ZBTB20: variants seen among roughly 807,000 people sequenced by gnomAD.
The protein encoded by ZBTB20 is zinc finger and BTB domain-containing protein 20.
Under a neutral mutation model 56.9 loss-of-function variants are expected in ZBTB20, and 9 were observed. The observed-to-expected ratio is 0.16, with a 90% CI of 0.10 to 0.28. ZBTB20 has a LOEUF of 0.28. ZBTB20 is among the 10% of genes least tolerant of loss of function. ZBTB20 has a pLI of 1.00. For missense variants in ZBTB20, 655 were observed against 1,003.0 expected, an observed-to-expected ratio of 0.65 and a Z score of 4.69; for synonymous variants, 417 against 420.7, an observed-to-expected ratio of 0.99 and a Z score of 0.11.
chr3:114,755,535 T>A (rs2067943197), intron 5 of ZBTB20, among the ~76,000 whole-genome samples: 1 of 152,222 alleles, frequency 6.6e-6, no homozygotes, highest in African/African-American at 2.4e-5. Flanking sequence ...GAATGCCTTC[T>A]AATCTTTGAT....
intron 6 of ZBTB20, among the ~76,000 whole-genome samples, chr3:114,650,140 T>C (rs983812313): frequency 3.3e-5 from 5 of 152,030 alleles, no homozygotes; most frequent in South Asian, 2.1e-4. Context: ...AATATCCCTA[T>C]TGTCTGCTTT....
At chr3:114,498,066 CA>C in intron 7 of ZBTB20, among the ~76,000 whole-genome samples, 1 of 152,252 alleles carries the variant, frequency 6.6e-6, no homozygotes, top group Middle Eastern at 3.4e-3. Context: ...ACACCCTTTT[CA>C]AGACTTAATA....
At chr3:114,592,376 C>G (rs2055860191) in intron 6 of ZBTB20, among the ~76,000 whole-genome samples, 1 of 152,094 alleles carries the variant, frequency 6.6e-6, no homozygotes, top group Non-Finnish European at 1.5e-5. Context: ...AAACGATGGG[C>G]AAATCGATTT....
chr3:115,119,798 C>G (rs775316376), intron 1 of ZBTB20, among the ~76,000 whole-genome samples: 4 of 152,034 alleles, frequency 2.6e-5, no homozygotes, highest in African/African-American at 7.2e-5. Flanking sequence ...TGTTCTAAAA[C>G]AGAGAGAGAG....
At chr3:114,693,156 C>A (rs1446004887) in intron 6 of ZBTB20, among the ~76,000 whole-genome samples, 1 of 152,144 alleles carries the variant, frequency 6.6e-6, no homozygotes, top group African/African-American at 2.4e-5. Flanking sequence ...ATCACTCTTT[C>A]TGTCCACTCA....
intron 5 of ZBTB20, among the ~76,000 whole-genome samples, chr3:114,698,393 C>T (rs2108358332): frequency 6.6e-6 from 1 of 152,152 alleles, no homozygotes; most frequent in South Asian, 2.1e-4. Context: ...TTTCTTATGT[C>T]TATGGAGAGC....
At chr3:114,536,720 C>T (rs112787011) in intron 6 of ZBTB20, among the ~76,000 whole-genome samples, 6 of 152,102 alleles carry the variant, frequency 3.9e-5, no homozygotes, top group Admixed American at 2.0e-4. Context: ...GGAGGCATCA[C>T]GCTACCTGAC....
intron 6 of ZBTB20, among the ~76,000 whole-genome samples, chr3:114,656,750 C>T (rs1243357377): frequency 1.3e-5 from 2 of 151,790 alleles, no homozygotes; most frequent in African/African-American, 4.8e-5. Context: ...TATATATATA[C>T]ATATATTTTT....
chr3:115,028,901 T>C (rs1358101648), intron 2 of ZBTB20, among the ~76,000 whole-genome samples: 1 of 150,692 alleles, frequency 6.6e-6, no homozygotes, highest in East Asian at 1.9e-4. Context: ...GTATTCCCAG[T>C]GAAGCCAAGA....
At chr3:114,931,375 A>G in intron 3 of ZBTB20, 1 of 242,832 alleles carries the variant, frequency 4.1e-6, no homozygotes. Context: ...AGAAAACCCT[A>G]AACCACAACA....
chr3:115,033,126 C>A (rs1403083134), intron 2 of ZBTB20, among the ~76,000 whole-genome samples: 2 of 150,760 alleles, frequency 1.3e-5, no homozygotes, highest in Non-Finnish European at 3.0e-5. Flanking sequence ...GATATATATA[C>A]TAAGAAAAAA....
In ZBTB20 at chr3:114,903,315, C is replaced by T. The variant is rs559356369; in HGVS notation, c.-455-2973G>A. ...TATATGTTATAGCCATATAAAGGAACTAGCACAGTGCCAGCCATGAGGTAA... is the reference window on the plus strand; with the variant it reads ...TATATGTTATAGCCATATAAAGGAATTAGCACAGTGCCAGCCATGAGGTAA... On this transcript the variant is annotated intron_variant, in intron 3 of 11. Coordinates refer to ENST00000675478, the MANE Select transcript of ZBTB20 (RefSeq NM_001348800.3). Among the ~76,000 whole-genome samples, 3 of 152,184 alleles carry T rather than the reference C, an allele frequency of 2.0e-5. No individual in the cohort carries two copies. The East Asian group carries it at 5.8e-4, about 29-fold the overall frequency.
chr3:114,968,173 C>G (rs1298652315), intron 3 of ZBTB20, among the ~76,000 whole-genome samples: 1 of 151,842 alleles, frequency 6.6e-6, no homozygotes, highest in Non-Finnish European at 1.5e-5. Flanking sequence ...TTTACATTTC[C>G]ACATTTATTC....
intron 6 of ZBTB20, among the ~76,000 whole-genome samples, chr3:114,536,685 A>G (rs2048502565): frequency 6.6e-6 from 1 of 152,186 alleles, no homozygotes; most frequent in Non-Finnish European, 1.5e-5. Context: ...TAGCCAAGAC[A>G]ATCCTAAGCC....
At chr3:114,781,252 A>G (rs2070074844) in intron 5 of ZBTB20, among the ~76,000 whole-genome samples, 1 of 152,122 alleles carries the variant, frequency 6.6e-6, no homozygotes, top group Non-Finnish European at 1.5e-5. Context: ...CACCAGTAAA[A>G]TTAGGATAAC....
At chr3:114,366,716 G>A (rs2082439259) in intron 10 of ZBTB20, 1 of 152,216 alleles carries the variant, frequency 6.6e-6, no homozygotes, top group African/African-American at 2.4e-5. Context: ...AAGTGCTCAG[G>A]AGTTAAGAGA....
chr3:114,950,092 G>C (rs892243717), intron 3 of ZBTB20, among the ~76,000 whole-genome samples: 1 of 152,020 alleles, frequency 6.6e-6, no homozygotes, highest in Non-Finnish European at 1.5e-5. Flanking sequence ...AATGAAAAAA[G>C]ACCAAGTGTT....
chr3:114,467,294 G>T (rs778633093), intron 7 of ZBTB20, among the ~76,000 whole-genome samples: 3 of 152,184 alleles, frequency 2.0e-5, no homozygotes, highest in Non-Finnish European at 2.9e-5. Context: ...AAGCTATGTG[G>T]ATTTCATGAA....
intron 3 of ZBTB20, among the ~76,000 whole-genome samples, chr3:114,902,149 C>T (rs995480225): frequency 3.9e-5 from 6 of 152,008 alleles, no homozygotes; most frequent in Middle Eastern, 3.2e-3. Flanking sequence ...TATCCCAGTG[C>T]TTTGGAATCT....
Sources: allele counts gnomAD v4.1 joint callset (sites outside exome capture counted in the v4.1 genomes callset), GRCh38; gene constraint gnomAD v4.1.1; transcripts MANE v1.5; gene names NCBI Gene and HGNC (gene_info 2026-07-23, HGNC 2026-07-21).